The following PPME1 variants were observed in gnomAD, a reference collection of about 807,000 sequenced individuals.
PPME1 encodes testicular secretory protein Li 39.
A neutral mutation model predicts 56.9 loss-of-function variants in PPME1; 17 were observed. The observed-to-expected ratio is 0.30, with a 90% CI of 0.20 to 0.45. The LOEUF (loss-of-function observed/expected upper bound fraction) is 0.45. PPME1 is among the 20% of genes least tolerant of loss of function. PPME1 has a pLI of 1.00. For synonymous variants in PPME1, 122 were observed against 156.2 expected (o/e 0.78, Z 1.63); for missense variants, 357 against 483.2 (o/e 0.74, Z 2.45).
chr11:74,251,041 G>A lies in PPME1; in HGVS notation c.1074+23G>A, dbSNP rs777120381. On this transcript the variant is annotated intron_variant, in intron 12 of 13. Transcript: ENST00000328257. ...AAGGTGAGTCTGGTGCTCAGTGACT[G>A]TAAAAGGACAACTGTGAGAATAACC... 10 of 1,576,386 alleles carry A rather than the reference G, an allele frequency of 6.3e-6. No individual in the cohort carries two copies. The South Asian group carries it at 9.3e-5, about 15-fold the overall frequency.
intron 2 of PPME1, 41 bp downstream of exon 2, chr11:74,203,862 AT>A: frequency 1.4e-6 from 2 of 1,412,416 alleles, no homozygotes; most frequent in Non-Finnish European, 2.0e-6. Flanking sequence ...TGAGCTTATG[AT>A]GTTGTCTAAG....
At chr11:74,183,549 AT>A (rs1208164799) in intron 1 of PPME1, among the ~76,000 whole-genome samples, 3 of 152,114 alleles carry the variant, frequency 2.0e-5, no homozygotes. Flanking sequence ...TATATAATGG[AT>A]CTATATAAGT....
At chr11:74,209,954 T>C (rs994737540) in intron 3 of PPME1, among the ~76,000 whole-genome samples, 3 of 152,120 alleles carry the variant, frequency 2.0e-5, no homozygotes, top group African/African-American at 7.2e-5. Flanking sequence ...CTCAGTTACT[T>C]GGGGAGCTAA....
intron 1 of PPME1, among the ~76,000 whole-genome samples, chr11:74,186,427 A>G (rs1857684305): frequency 6.8e-6 from 1 of 147,508 alleles, no homozygotes; most frequent in Non-Finnish European, 1.5e-5. Flanking sequence ...TATTTTGAGG[A>G]TAGTATTGAA....
intron 4 of PPME1, among the ~76,000 whole-genome samples, chr11:74,223,107 C>A (rs1159068130): frequency 1.3e-5 from 2 of 151,280 alleles, no homozygotes; most frequent in African/African-American, 4.9e-5. Flanking sequence ...CCCACCCCAC[C>A]ACAGTCCCCA....
chr11:74,253,693 G>C lies in PPME1; in HGVS notation c.*183G>C. The stretch of plus-strand genomic sequence containing the variant: ...TTCTGCCAAAAGCATTGTTTTCCAG[G>C]GCCCTTGACCAACATCGGCTTCCCC... On this transcript the variant is annotated 3_prime_UTR_variant, in exon 14 of 14. Coordinates refer to ENST00000328257, the MANE Select transcript of PPME1 (RefSeq NM_016147.3). 1 of 686,474 alleles carries C rather than the reference G, an allele frequency of 1.5e-6. No individual in the cohort carries two copies. The highest frequency in any genetic ancestry group is 2.5e-6 in the Non-Finnish European group (1 of 396,862). 42.5% of individuals were successfully genotyped at this position (686,474 alleles called of 1,614,324 possible). A position where few individuals can be genotyped will look rare whatever the true frequency, so the allele number is the denominator to read the frequency against.
chr11:74,222,453 G>A (rs1858822420), intron 4 of PPME1, 84 bp downstream of exon 4: 4 of 1,225,800 alleles, frequency 3.3e-6, no homozygotes, highest in Non-Finnish European at 4.8e-6. Context: ...AAATTTCAAC[G>A]TGGCCATAAA....
intron 2 of PPME1, 101 bp from the exon 3 acceptor site, chr11:74,204,252 C>A: frequency 1.2e-6 from 1 of 850,454 alleles, no homozygotes; most frequent in Non-Finnish European, 1.8e-6. Flanking sequence ...ATTTGGCAGT[C>A]TGCAGTTTTG....
intron 1 of PPME1, among the ~76,000 whole-genome samples, chr11:74,191,718 T>C (rs1207227765): frequency 1.3e-5 from 2 of 152,196 alleles, no homozygotes; most frequent in Non-Finnish European, 2.9e-5. Context: ...GGGCCGCTGC[T>C]CTAGAGGGCA....
intron 1 of PPME1, among the ~76,000 whole-genome samples, chr11:74,199,363 G>C (rs975631287): frequency 6.6e-6 from 1 of 152,156 alleles, no homozygotes; most frequent in Non-Finnish European, 1.5e-5. Context: ...CAGATGCATT[G>C]TCTCTCTAGT....
At chr11:74,231,564 G>T in intron 7 of PPME1, among the ~76,000 whole-genome samples, 1 of 152,188 alleles carries the variant, frequency 6.6e-6, no homozygotes, top group East Asian at 1.9e-4. Flanking sequence ...AAATATTTTA[G>T]ATTTGGCTCA....
chr11:74,231,819 G>T (rs1043111003), intron 7 of PPME1, among the ~76,000 whole-genome samples: 2 of 152,126 alleles, frequency 1.3e-5, no homozygotes, highest in Non-Finnish European at 2.9e-5. Flanking sequence ...TGGATTTTGG[G>T]TAAATAAACT....
intron 9 of PPME1, among the ~76,000 whole-genome samples, chr11:74,242,643 G>T (rs1055808461): frequency 6.6e-6 from 1 of 152,000 alleles, no homozygotes; most frequent in Non-Finnish European, 1.5e-5. Flanking sequence ...CGCTTTGGGA[G>T]GCCGAGGTGG....
Position 74,250,092 on chromosome 11 carries a change from A to G in PPME1, c.1010-862A>G, listed in dbSNP as rs1448662938. ...AAATGGATAGAAGAATACACTGAAA[A>G]CTTTTGAATCCTGCGTAACTGGGGT... On this transcript the variant is annotated intron_variant, in intron 11 of 13. Transcript: ENST00000328257. The G allele has an allele frequency of 3.3e-5, 5 of 152,200 alleles. No individual in the cohort carries two copies. In the East Asian group the frequency reaches 9.6e-4, roughly 29 times the overall value. The allele number at this position is 152,200 out of a possible 1,614,324, so 9.4% of individuals were successfully genotyped here.
intron 10 of PPME1, among the ~76,000 whole-genome samples, chr11:74,246,530 TAC>T (rs1374357594): frequency 6.6e-6 from 1 of 152,126 alleles, no homozygotes; most frequent in African/African-American, 2.4e-5. Flanking sequence ...TAGTTCCAAA[TAC>T]AGTCACATTG....
intron 3 of PPME1, among the ~76,000 whole-genome samples, chr11:74,212,100 G>A (rs1447776483): frequency 6.6e-6 from 1 of 152,202 alleles, no homozygotes; most frequent in Non-Finnish European, 1.5e-5. Context: ...ACACTGAAGA[G>A]GATAGAAACG....
At chr11:74,177,633 G>A (rs908156226) in intron 1 of PPME1, among the ~76,000 whole-genome samples, 1 of 151,856 alleles carries the variant, frequency 6.6e-6, no homozygotes, top group Non-Finnish European at 1.5e-5. Context: ...TCATTTTGAG[G>A]ATTTTCGTGG....
rs1859031115 is a variant in PPME1 at position 74,230,208 on chromosome 11, G to C, written c.399-37G>C. The C allele has an allele frequency of 6.3e-7, 1 of 1,577,610 alleles. No homozygotes were observed. The highest frequency in any genetic ancestry group is 2.3e-5 in the East Asian group (1 of 44,396). ...GAAAACCATTTTTACAGTGTTGTCA[G>C]AAAGCATTCTTAGATCTTTTTCTCT... is the stretch of plus-strand genomic sequence containing the variant. On this transcript the variant is annotated intron_variant, in intron 5 of 13. Coordinates refer to ENST00000328257, the MANE Select transcript of PPME1 (RefSeq NM_016147.3). The surrounding 1 kb of genome is among the most constrained non-coding windows in gnomAD (Gnocchi z 4.9).
intron 1 of PPME1, among the ~76,000 whole-genome samples, chr11:74,195,659 G>A (rs962028572): frequency 2.0e-5 from 3 of 152,172 alleles, no homozygotes; most frequent in Non-Finnish European, 4.4e-5. Flanking sequence ...ATTTTATTAG[G>A]TGATGCCTTA....
Sources: allele counts gnomAD v4.1 joint callset (sites outside exome capture counted in the v4.1 genomes callset), GRCh38; gene constraint gnomAD v4.1.1; non-coding constraint Gnocchi (gnomAD v3.1); transcripts MANE v1.5; gene names NCBI Gene and HGNC (gene_info 2026-07-23, HGNC 2026-07-21).